Variants in PPRC1 observed in about 807,000 individuals in gnomAD.
The protein encoded by PPRC1 is PPARG related coactivator 1.
A neutral mutation model predicts 132.5 loss-of-function variants in PPRC1; 23 were observed. The ratio of observed to expected loss-of-function variants is 0.17; its 90% CI spans 0.12 to 0.25. The LOEUF (loss-of-function observed/expected upper bound fraction) is 0.25. Ranked by LOEUF, PPRC1 falls within the 10% of genes least tolerant of loss-of-function variation. The pLI is 1.00. For missense variants in PPRC1, 2,006 were observed against 2,089.1 expected, an observed-to-expected ratio of 0.96 and a Z score of 0.78; for synonymous variants, 872 against 833.5, an observed-to-expected ratio of 1.05 and a Z score of -0.80.
At chr10:102,120,743 C>G in the PPRC1 span, among the ~76,000 whole-genome samples, 1 of 152,164 alleles carries the variant, frequency 6.6e-6, no homozygotes, top group African/African-American at 2.4e-5. Flanking sequence ...CAGCCGCGCG[C>G]TCGGTGTCCG....
rs535416852 is a variant in PPRC1, at chr10:102,145,006, T to C, written c.3609-14T>C. On this transcript the variant is annotated splice_polypyrimidine_tract_variant and intron_variant, in intron 7 of 13. Transcript: ENST00000278070. The stretch of plus-strand genomic sequence containing the variant: ...AGGCAATGAATCAGGCTTTCCCTTT[T>C]CCCCCCCCGCCAGCGGCGTTGACAT... The C allele has an allele frequency of 2.6e-5, 40 of 1,536,392 alleles. No homozygotes were observed. The highest frequency in any genetic ancestry group is 1.7e-4 in the Middle Eastern group (1 of 5,750).
the PPRC1 span, among the ~76,000 whole-genome samples, chr10:102,121,640 G>A: frequency 0.037 from 5,669 of 152,258 alleles, 172 homozygotes; most frequent in Non-Finnish European, 0.054. Context: ...GCCGCCTGGA[G>A]TAGAGAGTTG....
At chr10:102,125,509 C>T in the PPRC1 span, among the ~76,000 whole-genome samples, 1 of 152,116 alleles carries the variant, frequency 6.6e-6, no homozygotes, top group Non-Finnish European at 1.5e-5. Flanking sequence ...CCGCCTGCCT[C>T]AGCCTCCCAA....
At position 102,139,827 on chromosome 10, in the gene PPRC1, A is replaced by T. The variant is rs1053782233; in HGVS notation, c.1319A>T (p.Lys440Met). 6.2e-7 allele frequency: 1 copy of T among 1,614,010 alleles called. No homozygotes were observed. The highest frequency in any genetic ancestry group is 8.5e-7 in the Non-Finnish European group (1 of 1,180,026). ...PREVVEPVVP[K>M]EPQNPPANAA... ...GAGGTCGTGGAGCCGGTGGTGCCCA[A>T]GGAGCCTCAGAACCCACCTGCCAAT... Residue 440 changes from lysine (K) to methionine (M), a missense_variant, in exon 5 of 14, where the codon AAG becomes ATG. By Grantham distance (95) the Lys-to-Met change is moderately conservative. This residue lies in a region of PPRC1 where 1,914 missense variants were observed against 1,917.2 expected (regional missense o/e 1.00). Coordinates refer to ENST00000278070, the MANE Select transcript of PPRC1 (RefSeq NM_015062.5).
In PPRC1 at chr10:102,146,959, G is replaced by T. The variant is rs746405032; in HGVS notation, c.3967G>T (p.Val1323Phe). ...VIPEVGSRWNVKRHQDITIKP... is the reference protein window; with the variant it reads ...VIPEVGSRWNFKRHQDITIKP... ...TCCAGAGGTGGGCTCCCGATGGAAT[G>T]TCAAGCGCCATCAGGACATCACCAT... is the stretch of plus-strand genomic sequence containing the variant. The change falls in exon 9 of 14, where the codon GTC becomes TTC. Residue 1323 changes from valine (V) to phenylalanine (F), a missense_variant. Around this residue, in one of 2 missense-constraint regions of PPRC1, gnomAD observed 1,914 missense variants for 1,917.2 expected, o/e 1.00. Transcript: ENST00000278070. 4 of 1,614,138 alleles carry T rather than the reference G, an allele frequency of 2.5e-6. No homozygotes were observed. Among genetic ancestry groups the T allele is most frequent in the Non-Finnish European group, 3.4e-6 (4 of 1,179,998 alleles).
At position 102,141,507 on chromosome 10, in the gene PPRC1, C is replaced by G. The variant is rs1334731480; in HGVS notation, c.2999C>G (p.Pro1000Arg). The G allele has an allele frequency of 6.2e-7, 1 of 1,613,832 alleles. No homozygotes were observed. Among genetic ancestry groups the G allele is most frequent in the Non-Finnish European group, 8.5e-7 (1 of 1,179,984 alleles). ...HAPFWSTVPP[P>R]PLPPASIGRA... is the part of the protein sequence containing the mutation. ...CCATTCTGGTCTACTGTTCCCCCAC[C>G]TCCTTTGCCTCCAGCCTCCATTGGG... The change falls in exon 5 of 14, where the codon CCT (proline) becomes CGT (arginine). Residue 1000 changes from proline (P) to arginine (R), a missense_variant. By Grantham distance (103) the Pro-to-Arg change is moderately radical. Transcript: ENST00000278070.
intron 1 of PPRC1, among the ~76,000 whole-genome samples, 175 bp from the exon 2 acceptor site, chr10:102,137,675 A>C (rs1482285352): frequency 6.6e-6 from 1 of 151,926 alleles, no homozygotes; most frequent in Non-Finnish European, 1.5e-5. Context: ...TGCCATCCTT[A>C]TTGGGGTTTT....
chr10:102,148,598 T>TG lies in PPRC1; in HGVS notation c.4551-24dup, dbSNP rs35668878. 2.5e-6 allele frequency: 4 copies of TG among 1,613,856 alleles called. No individual in the cohort carries two copies. The highest frequency in any genetic ancestry group is 1.1e-5 in the South Asian group (1 of 91,076). On this transcript the variant is annotated intron_variant, in intron 10 of 13. Coordinates refer to ENST00000278070, the MANE Select transcript of PPRC1 (RefSeq NM_015062.5). This position sits in a 1 kb window ranked among gnomAD's most constrained non-coding sequence, Gnocchi z 4.2. ...GTTGAGTCTTGAATTGTCTTATGTT[T>TG]GGGGGGCTGATGACACCCTCTTTTG...
upstream of PPRC1, chr10:102,133,039 C>G (rs2068576396): frequency 2.4e-6 from 3 of 1,239,436 alleles, no homozygotes; most frequent in Non-Finnish European, 3.0e-6. Flanking sequence ...CGCCAGCGAT[C>G]AGAGCAGCGC....
At position 102,140,444 on chromosome 10, in the gene PPRC1, G is replaced by A. The variant is rs769906182; in HGVS notation, c.1936G>A (p.Val646Met). The change falls in exon 5 of 14, where the codon GTG (valine) becomes ATG (methionine). Residue 646 changes from valine to methionine, a missense_variant. Physicochemically the swap from Val to Met is conservative, Grantham distance 21. Transcript: ENST00000278070. ...TGACTCAGCAGCAGTTGACCCTGCAGTGGTTCCCATCTCAGATAACTTGCC... is the reference window on the plus strand; with the variant it reads ...TGACTCAGCAGCAGTTGACCCTGCAATGGTTCCCATCTCAGATAACTTGCC... ...LADSAAVDPA[V>M]VPISDNLPPV... The A allele has an allele frequency of 2.5e-6, 4 of 1,614,212 alleles. No individual in the cohort carries two copies. Among genetic ancestry groups the A allele is most frequent in the Non-Finnish European group, 3.4e-6 (4 of 1,180,030 alleles).
chr10:102,123,504 G>T, the PPRC1 span, among the ~76,000 whole-genome samples: 3 of 152,140 alleles, frequency 2.0e-5, no homozygotes, highest in Admixed American at 6.5e-5. Context: ...CTCTGTATGT[G>T]TGTGGTAAAA....
intron 1 of PPRC1, 105 bp downstream of exon 1, chr10:102,133,326 CG>C: frequency 9.7e-7 from 1 of 1,026,522 alleles, no homozygotes; most frequent in South Asian, 5.0e-5. Context: ...GAGTCGATGC[CG>C]GGTGGCCGCG....
chr10:102,145,234 C>T, intron 8 of PPRC1, 144 bp downstream of exon 8: 3 of 770,328 alleles, frequency 3.9e-6, no homozygotes, highest in Non-Finnish European at 6.1e-6. Flanking sequence ...AGGGGGCAGA[C>T]TTGTAAACGA....
At chr10:102,122,377 GGTGA>G in the PPRC1 span, among the ~76,000 whole-genome samples, 2 of 151,904 alleles carry the variant, frequency 1.3e-5, no homozygotes, top group Non-Finnish European at 2.9e-5. Flanking sequence ...CCTATGGCTT[GGTGA>G]GTATCAAACT....
At position 102,138,762 on chromosome 10, in the gene PPRC1, C is replaced by G. The variant is rs142236095; in HGVS notation, c.486C>G (p.Ser162=). 7 of 1,614,050 alleles carry G rather than the reference C, an allele frequency of 4.3e-6. No homozygotes were observed. Among genetic ancestry groups the G allele is most frequent in the African/African-American group, 1.3e-5 (1 of 74,918 alleles). ...TGCTTGTGTCACCCCGGGAGGGCTC[C>G]TCTGTGAGTGTGGGACCAGGGGAAG... The part of the protein sequence containing the change: ...SELLVSPREG[S]SLHKLLTLSR... The change falls in exon 3 of 14, where the codon TCC becomes TCG. Residue 162 remains serine (S), a synonymous_variant. Transcript: ENST00000278070.
At position 102,142,020 on chromosome 10, in the gene PPRC1, T is replaced by A; in HGVS notation, c.3496+16T>A. On this transcript the variant is annotated intron_variant, in intron 5 of 13. Transcript: ENST00000278070. ...AGTGAGATTGGTGAGTGACACACAG[T>A]TCCCCCATGTAGTCCCCAAGTTGGC... 1.9e-6 allele frequency: 3 copies of A among 1,588,892 alleles called. No homozygotes were observed. In the South Asian group the frequency reaches 3.4e-5, roughly 18 times the overall value.
At chr10:102,143,204 A>G (rs1202622259) in intron 6 of PPRC1, 106 bp downstream of exon 6, 4 of 981,808 alleles carry the variant, frequency 4.1e-6, no homozygotes, top group Non-Finnish European at 6.2e-6. Context: ...AGCCTTAGCC[A>G]CTGGAGCAGA....
intron 5 of PPRC1, among the ~76,000 whole-genome samples, chr10:102,142,657 G>T (rs909106235): frequency 2.6e-5 from 4 of 151,542 alleles, no homozygotes; most frequent in African/African-American, 9.7e-5. Flanking sequence ...CTCGTGATCC[G>T]CCTGCCTCAG....
intron 8 of PPRC1, among the ~76,000 whole-genome samples, chr10:102,145,700 TA>T (rs2069201155): frequency 6.9e-6 from 1 of 145,130 alleles, no homozygotes; most frequent in South Asian, 2.2e-4. Flanking sequence ...CCATCTCTAC[TA>T]AAAATACAAA....
Sources: allele counts gnomAD v4.1 joint callset (sites outside exome capture counted in the v4.1 genomes callset), GRCh38; gene constraint gnomAD v4.1.1; regional missense constraint gnomAD v4.1.1; non-coding constraint Gnocchi (gnomAD v3.1); transcripts MANE v1.5; gene names NCBI Gene and HGNC (gene_info 2026-07-23, HGNC 2026-07-21).